The following KIF3B variants were observed in gnomAD, a reference collection of about 807,000 sequenced individuals.
KIF3B encodes the protein kinesin family member 3B, also known as kinesin-like protein KIF3B.
A neutral mutation model predicts 74.3 loss-of-function variants in KIF3B; 38 were observed. The observed-to-expected ratio is 0.51, with a 90% CI of 0.39 to 0.67. KIF3B has a LOEUF of 0.67. Ranked by LOEUF, KIF3B falls within the 30% of genes least tolerant of loss-of-function variation. KIF3B has a pLI of 0.00. For synonymous variants in KIF3B, 326 were observed against 342.5 expected (o/e 0.95, Z 0.53); for missense variants, 649 against 932.0 (o/e 0.70, Z 3.95).
At chr20:32,282,358 A>G (rs2047646964) in intron 1 of KIF3B, among the ~76,000 whole-genome samples, 1 of 152,170 alleles carries the variant, frequency 6.6e-6, no homozygotes, top group African/African-American at 2.4e-5. Flanking sequence ...TGCCTCTGAA[A>G]TGATGAAAGG....
rs141218746 is a variant in KIF3B, at chr20:32,316,803, A to G, written c.1677A>G (p.Gln559=). 3.7e-6 allele frequency: 6 copies of G among 1,614,042 alleles called. No homozygotes were observed. Among genetic ancestry groups the G allele is most frequent in the Non-Finnish European group, 5.1e-6 (6 of 1,180,042 alleles). The part of the protein sequence containing the change: ...QAVKAEIHDL[Q]EEHIKERQEL... ...TGAAGGCTGAGATCCATGACCTCCA[A>G]GAAGAACACATCAAGGAGCGCCAAG... The change falls in exon 5 of 9, where the codon CAA becomes CAG. Residue 559 remains glutamine, a synonymous_variant. Coordinates refer to ENST00000375712, the MANE Select transcript of KIF3B (RefSeq NM_004798.4).
At chr20:32,320,568 G>A (rs2047855403) in intron 5 of KIF3B, among the ~76,000 whole-genome samples, 1 of 150,838 alleles carries the variant, frequency 6.6e-6, no homozygotes, top group African/African-American at 2.4e-5. Context: ...AATCAGACTG[G>A]AGTGCAGTGG....
chr20:32,307,018 T>G (rs1447709693), intron 1 of KIF3B, among the ~76,000 whole-genome samples: 4 of 152,198 alleles, frequency 2.6e-5, no homozygotes, highest in Non-Finnish European at 5.9e-5. Flanking sequence ...ATAACATGCA[T>G]ATATCCCCCC....
chr20:32,310,905 G>A lies in KIF3B; in HGVS notation c.1128G>A (p.Arg376=). The part of the protein sequence containing the change: ...KAQLEKRSIG[R]RKRREKRREG... ...AGCTGGAAAAACGGTCCATTGGTAGGAGGAAGAGGCGAGAGAAGCGGAGGG... is the reference window on the plus strand; with the variant it reads ...AGCTGGAAAAACGGTCCATTGGTAGAAGGAAGAGGCGAGAGAAGCGGAGGG... Residue 376 remains arginine (R), a synonymous_variant, in exon 2 of 9, where the codon AGG becomes AGA. Coordinates refer to ENST00000375712, the MANE Select transcript of KIF3B (RefSeq NM_004798.4). This position sits in a 1 kb window ranked among gnomAD's most constrained non-coding sequence, Gnocchi z 6.5. 1 of 1,613,460 alleles carries A rather than the reference G, an allele frequency of 6.2e-7. No individual in the cohort carries two copies. The highest frequency in any genetic ancestry group is 2.2e-5 in the East Asian group (1 of 44,866).
chr20:32,327,717 T>G, intron 7 of KIF3B, 56 bp downstream of exon 7: 2 of 1,354,770 alleles, frequency 1.5e-6, no homozygotes, highest in Non-Finnish European at 2.1e-6. Flanking sequence ...TAGATTTGTG[T>G]AAGCCCTTAG....
intron 1 of KIF3B, among the ~76,000 whole-genome samples, chr20:32,300,103 TTTGTTTTG>T (rs1458395223): frequency 0.011 from 1,668 of 151,376 alleles, 23 homozygotes; most frequent in African/African-American, 0.039. Context: ...TTTGTTTTGT[TTTGTTTTG>T]TTTTGTTTAC....
At position 32,316,583 on chromosome 20, in the gene KIF3B, G is replaced by A. The variant is rs368469634; in HGVS notation, c.1563G>A (p.Leu521=). 1 of 1,614,074 alleles carries A rather than the reference G, an allele frequency of 6.2e-7. No individual in the cohort carries two copies. Among genetic ancestry groups the A allele is most frequent in the South Asian group, 1.1e-5 (1 of 91,068 alleles). ...TGGAAAGTCGAGATGAGGAGACCTT[G>A]GAACTTAAAGAGACATACAGCTCAT... ...QQMESRDEET[L]ELKETYSSLQ... is the part of the protein sequence containing the mutation. The change falls in exon 4 of 9, where the codon TTG becomes TTA. Residue 521 remains leucine (L), a synonymous_variant. Transcript: ENST00000375712.
intron 1 of KIF3B, among the ~76,000 whole-genome samples, chr20:32,292,583 G>GACAAAAAAAAA (rs2047697352): frequency 1.4e-5 from 1 of 71,824 alleles, no homozygotes; most frequent in Non-Finnish European, 2.8e-5. Context: ...ACTAAAAATA[G>GACAAAAAAAAA]AAAAAAAAAA....
chr20:32,317,163 G>A (rs1300892917), intron 5 of KIF3B, among the ~76,000 whole-genome samples: 1 of 152,196 alleles, frequency 6.6e-6, no homozygotes, highest in Non-Finnish European at 1.5e-5. Flanking sequence ...CTTGAACCCG[G>A]GAAGTGGAGA....
chr20:32,319,582 GTTTTTTT>G (rs34028388), intron 5 of KIF3B, among the ~76,000 whole-genome samples: 2 of 92,020 alleles, frequency 2.2e-5, no homozygotes, highest in Non-Finnish European at 4.2e-5. Flanking sequence ...TTTTGTTTTT[GTTTTTTT>G]TTTTTTTTTT....
intron 1 of KIF3B, among the ~76,000 whole-genome samples, chr20:32,301,379 T>C (rs1374717585): frequency 6.6e-6 from 1 of 151,078 alleles, no homozygotes; most frequent in African/African-American, 2.4e-5. Flanking sequence ...TTTTATTTAT[T>C]TATTTATTTA....
At chr20:32,325,791 C>A (rs1055110522) in intron 5 of KIF3B, among the ~76,000 whole-genome samples, 5 of 151,046 alleles carry the variant, frequency 3.3e-5, no homozygotes, top group African/African-American at 1.2e-4. Flanking sequence ...TCTCAGCCTC[C>A]TGAGTAGCTG....
At chr20:32,295,877 TA>T (rs1342506313) in intron 1 of KIF3B, among the ~76,000 whole-genome samples, 24 of 91,336 alleles carry the variant, frequency 2.6e-4, no homozygotes, top group African/African-American at 4.7e-4. Context: ...TTTTTTTTTT[TA>T]AATTGAGACA....
intron 1 of KIF3B, among the ~76,000 whole-genome samples, chr20:32,279,203 G>T (rs1288640958): frequency 6.6e-6 from 1 of 151,850 alleles, no homozygotes. Flanking sequence ...GATTACATGC[G>T]TGAGCCACCA....
At chr20:32,289,504 C>G (rs946082643) in intron 1 of KIF3B, among the ~76,000 whole-genome samples, 1 of 152,124 alleles carries the variant, frequency 6.6e-6, no homozygotes, top group African/African-American at 2.4e-5. Context: ...TAGTCTATTT[C>G]TTAACACTTA....
At chr20:32,279,109 G>T (rs2047630302) in intron 1 of KIF3B, among the ~76,000 whole-genome samples, 2 of 151,932 alleles carry the variant, frequency 1.3e-5, no homozygotes, top group Non-Finnish European at 2.9e-5. Flanking sequence ...TTTTAGTAGA[G>T]ACAAGGTTTC....
At chr20:32,317,348 CTGAA>C (rs755698238) in intron 5 of KIF3B, among the ~76,000 whole-genome samples, 43 of 152,326 alleles carry the variant, frequency 2.8e-4, no homozygotes, top group Non-Finnish European at 5.6e-4. Context: ...CATCTGTTAA[CTGAA>C]TGACTTCATC....
intron 1 of KIF3B, among the ~76,000 whole-genome samples, chr20:32,279,617 C>T (rs2047632884): frequency 6.6e-6 from 1 of 152,120 alleles, no homozygotes; most frequent in African/African-American, 2.4e-5. Context: ...AGGCATGTGC[C>T]ACCATGCCCG....
chr20:32,293,915 A>G (rs1409529915), intron 1 of KIF3B, among the ~76,000 whole-genome samples: 1 of 152,148 alleles, frequency 6.6e-6, no homozygotes, highest in Non-Finnish European at 1.5e-5. Context: ...AAATAAGACA[A>G]ATCTGGTTTT....
Sources: gnomAD v4.1 joint callset for allele counts (sites outside exome capture counted in the v4.1 genomes callset) on GRCh38, gnomAD v4.1.1 for gene constraint, Gnocchi (gnomAD v3.1) non-coding constraint, MANE v1.5 for transcripts, NCBI Gene and HGNC (gene_info 2026-07-23, HGNC 2026-07-21) for gene names.